GALNTL6: variants seen among roughly 807,000 people sequenced by gnomAD.
GALNTL6 encodes polypeptide N-acetylgalactosaminyltransferase like 6, also known as polypeptide N-acetylgalactosaminyltransferase-like 6.
A neutral mutation model predicts 73.7 loss-of-function variants in GALNTL6; 46 were observed. The ratio of observed to expected loss-of-function variants is 0.62; its 90% CI spans 0.49 to 0.80. GALNTL6 has a LOEUF of 0.80. GALNTL6 is among the 30% of genes least tolerant of loss of function. GALNTL6 has a pLI of 0.00. For synonymous variants in GALNTL6, 259 were observed against 263.7 expected (o/e 0.98, Z 0.17); for missense variants, 604 against 755.0 (o/e 0.80, Z 2.34).
At chr4:171,917,862 A>T (rs898251325) in intron 2 of GALNTL6, among the ~76,000 whole-genome samples, 3 of 152,118 alleles carry the variant, frequency 2.0e-5, no homozygotes, top group South Asian at 2.1e-4. Context: ...ATTCAACTAT[A>T]CTCATAATAG....
intron 2 of GALNTL6, among the ~76,000 whole-genome samples, chr4:172,020,110 G>T (rs534441440): frequency 7.2e-5 from 11 of 152,062 alleles, no homozygotes; most frequent in African/African-American, 2.6e-4. Context: ...AAAGTTTCTT[G>T]AAACCAATGA....
intron 5 of GALNTL6, among the ~76,000 whole-genome samples, chr4:172,632,270 AGAGGCTGG>A (rs1429960002): frequency 5.3e-5 from 8 of 152,362 alleles, no homozygotes; most frequent in African/African-American, 1.7e-4. Context: ...GGTAACAGGC[AGAGGCTGG>A]AACAGTTTGG....
At position 172,297,258 on chromosome 4, in the gene GALNTL6, G is replaced by A. The variant is rs552598908; in HGVS notation, c.248-14356G>A. On this transcript the variant is annotated intron_variant, in intron 3 of 12. Coordinates refer to ENST00000506823, the MANE Select transcript of GALNTL6 (RefSeq NM_001034845.3). ...TCTTTGTAGATTCTGGATATTAGCC[G>A]TTTGTCAGATGAGTAGATTGCAAAA... 1.7e-4 allele frequency among the ~76,000 whole-genome samples: 26 copies of A among 152,140 alleles called. No individual in the cohort carries two copies. The South Asian group carries it at 2.3e-3, about 13-fold the overall frequency.
chr4:172,230,502 G>GC (rs137986215), intron 3 of GALNTL6, among the ~76,000 whole-genome samples: 57,848 of 150,898 alleles, frequency 0.38, 11,275 homozygotes, highest in Non-Finnish European at 0.41. Flanking sequence ...CAGGAGAATG[G>GC]CCCGGGGGGT....
At position 173,035,264 on chromosome 4, in the gene GALNTL6, C is replaced by T. The variant is rs577830298; in HGVS notation, c.1639-4669C>T. Among the ~76,000 whole-genome samples the T allele has an allele frequency of 3.0e-4, 45 of 151,826 alleles. 1 individual carries two copies. Among genetic ancestry groups the T allele is most frequent in the Middle Eastern group, 3.4e-3 (1 of 294 alleles). On this transcript the variant is annotated intron_variant, in intron 12 of 12. Transcript: ENST00000506823. ...CGCAATCTCGGCTCACCGCAACCTC[C>T]GCCTCCCAGGTTCAAGCAATTGTCC...
At chr4:171,938,972 C>T (rs1395438650) in intron 2 of GALNTL6, among the ~76,000 whole-genome samples, 2 of 151,820 alleles carry the variant, frequency 1.3e-5, no homozygotes, top group Admixed American at 6.6e-5. Flanking sequence ...AAATTATTAG[C>T]ATAGAAAGCT....
At chr4:172,307,542 A>G (rs1357042188) in intron 3 of GALNTL6, among the ~76,000 whole-genome samples, 2 of 152,164 alleles carry the variant, frequency 1.3e-5, no homozygotes, top group Admixed American at 6.5e-5. Context: ...ATAAATTGAG[A>G]GATGAGGATC....
At position 172,180,160 on chromosome 4, in the gene GALNTL6, T is replaced by C. The variant is rs183867557; in HGVS notation, c.139-49496T>C. Among the ~76,000 whole-genome samples the C allele has an allele frequency of 1.7e-3, 260 of 152,352 alleles. 3 individuals carry two copies. Among genetic ancestry groups the C allele is most frequent in the Admixed American group, 0.016 (244 of 15,304 alleles). On this transcript the variant is annotated intron_variant, in intron 2 of 12. Transcript: ENST00000506823. ...ATTCTAACTGGCGTGAGATGGTATCTCATTGTGGCTTTTATTTGCATTTCT... is the reference window on the plus strand; with the variant it reads ...ATTCTAACTGGCGTGAGATGGTATCCCATTGTGGCTTTTATTTGCATTTCT...
intron 2 of GALNTL6, among the ~76,000 whole-genome samples, chr4:171,822,727 A>G (rs951428160): frequency 1.3e-5 from 2 of 152,228 alleles, no homozygotes; most frequent in African/African-American, 4.8e-5. Context: ...GGATAGACCC[A>G]GAGGGAAATA....
intron 3 of GALNTL6, among the ~76,000 whole-genome samples, chr4:172,296,267 A>G (rs1578922955): frequency 6.6e-6 from 1 of 152,258 alleles, no homozygotes; most frequent in East Asian, 1.9e-4. Context: ...TGAACTATGT[A>G]TTTATTATAT....
At chr4:172,440,647 A>T (rs1249933328) in intron 5 of GALNTL6, among the ~76,000 whole-genome samples, 1 of 152,308 alleles carries the variant, frequency 6.6e-6, no homozygotes, top group South Asian at 2.1e-4. Flanking sequence ...ACGTAGATTC[A>T]TCAGTTAAAA....
At chr4:172,969,379 AAAG>A (rs991994289) in intron 10 of GALNTL6, among the ~76,000 whole-genome samples, 4 of 152,148 alleles carry the variant, frequency 2.6e-5, no homozygotes, top group African/African-American at 4.8e-5. Context: ...AAAATTCCCA[AAAG>A]AAGGAAGCCC....
intron 2 of GALNTL6, among the ~76,000 whole-genome samples, chr4:171,951,408 T>A (rs1427601164): frequency 1.3e-5 from 2 of 152,022 alleles, no homozygotes; most frequent in African/African-American, 4.8e-5. Context: ...TTATGCTATA[T>A]CACCTTTTAC....
At chr4:172,547,940 G>A (rs1324226386) in intron 5 of GALNTL6, among the ~76,000 whole-genome samples, 3 of 152,050 alleles carry the variant, frequency 2.0e-5, no homozygotes, top group Non-Finnish European at 2.9e-5. Flanking sequence ...CAGTGGTAGT[G>A]CAAGCTGTAC....
intron 5 of GALNTL6, among the ~76,000 whole-genome samples, chr4:172,561,323 C>T (rs1736357159): frequency 6.7e-6 from 1 of 150,372 alleles, no homozygotes; most frequent in Non-Finnish European, 1.5e-5. Flanking sequence ...GTGGAAGAAG[C>T]CAGATCTGAA....
chr4:172,561,259 C>CAAAA lies in GALNTL6; in HGVS notation c.553+212593_553+212596dup, dbSNP rs59249298. 2.2e-3 allele frequency among the ~76,000 whole-genome samples: 132 copies of CAAAA among 60,112 alleles called. 5 individuals carry two copies. Among genetic ancestry groups the CAAAA allele is most frequent in the African/African-American group, 0.01 (110 of 10,756 alleles). 39.4% of individuals were successfully genotyped at this position (60,112 alleles called of 152,430 possible). Reference sequence around the variant, plus strand: ...TGGGCGACAGAGAGAGACTCCGTCTCAAAAAAAAAAAAAAAAAAAAAAAAA... The same window carrying CAAAA: ...TGGGCGACAGAGAGAGACTCCGTCTCAAAAAAAAAAAAAAAAAAAAAAAAAAAAA... On this transcript the variant is annotated intron_variant, in intron 5 of 12. Transcript: ENST00000506823.
chr4:172,827,157 A>G (rs969841450), intron 7 of GALNTL6, among the ~76,000 whole-genome samples: 65 of 152,282 alleles, frequency 4.3e-4, no homozygotes, highest in African/African-American at 1.5e-3. Flanking sequence ...GCTCTACTTA[A>G]GTTCTAAGAT....
At chr4:173,013,841 T>G (rs2126502122) in intron 11 of GALNTL6, among the ~76,000 whole-genome samples, 1 of 152,308 alleles carries the variant, frequency 6.6e-6, no homozygotes, top group South Asian at 2.1e-4. Context: ...AGCTGTTTCA[T>G]TCACCAGTAA....
intron 7 of GALNTL6, among the ~76,000 whole-genome samples, chr4:172,819,483 C>G (rs1433773737): frequency 6.6e-6 from 1 of 152,156 alleles, no homozygotes; most frequent in Non-Finnish European, 1.5e-5. Flanking sequence ...GAAACCTAAG[C>G]TATACAGTCT....
Sources: gnomAD v4.1 joint callset for allele counts (sites outside exome capture counted in the v4.1 genomes callset) on GRCh38, gnomAD v4.1.1 for gene constraint, MANE v1.5 for transcripts, NCBI Gene and HGNC (gene_info 2026-07-23, HGNC 2026-07-21) for gene names.